VAC14: variants seen among roughly 807,000 people sequenced by gnomAD.
VAC14 encodes the protein VAC14 component of PIKFYVE complex.
In VAC14, 47 loss-of-function variants were observed where a neutral mutation model predicts 85.3. The ratio of observed to expected loss-of-function variants is 0.55; its 90% CI spans 0.44 to 0.70. The LOEUF is 0.70. Among genes scored for constraint, VAC14 ranks in the 30% least tolerant of loss-of-function variants. The pLI is 0.00. For synonymous variants in VAC14, 447 were observed against 430.5 expected (o/e 1.04, Z -0.47); for missense variants, 861 against 1,004.3 (o/e 0.86, Z 1.93).
intron 13 of VAC14, among the ~76,000 whole-genome samples, chr16:70,734,159 AAC>A (rs2054678990): frequency 6.6e-6 from 1 of 151,824 alleles, no homozygotes; most frequent in South Asian, 2.1e-4. Context: ...CAGCCTAATA[AAC>A]AGTGTCTTGC....
At chr16:70,733,310 T>C (rs1378966695) in intron 13 of VAC14, among the ~76,000 whole-genome samples, 8 of 152,244 alleles carry the variant, frequency 5.3e-5, no homozygotes. Context: ...TGTACTCATT[T>C]TTAGGGTTGA....
At chr16:70,744,769 T>C in intron 12 of VAC14, 190 bp from the exon 13 acceptor site, 1 of 599,074 alleles carries the variant, frequency 1.7e-6, no homozygotes, top group Non-Finnish European at 2.7e-6. Flanking sequence ...GTATCCAGAA[T>C]GAAGGGAACA....
chr16:70,751,084 G>A (rs1272140995), intron 12 of VAC14, among the ~76,000 whole-genome samples: 1 of 152,232 alleles, frequency 6.6e-6, no homozygotes, highest in Non-Finnish European at 1.5e-5. Context: ...CTCCTGCCAA[G>A]GAGGATGGAC....
At chr16:70,745,107 C>G (rs529801266) in intron 12 of VAC14, 3 of 153,192 alleles carry the variant, frequency 2.0e-5, no homozygotes, top group Non-Finnish European at 4.4e-5. Flanking sequence ...ATTTGGCGTG[C>G]TACTCTGGTC....
intron 17 of VAC14, among the ~76,000 whole-genome samples, chr16:70,695,333 G>C (rs60287657): frequency 1.3e-5 from 2 of 151,894 alleles, no homozygotes; most frequent in African/African-American, 2.4e-5. Context: ...GGCTGGTCTC[G>C]AACTCCTGCC....
chr16:70,787,780 T>C (rs1289443875), intron 1 of VAC14, among the ~76,000 whole-genome samples: 1 of 152,008 alleles, frequency 6.6e-6, no homozygotes, highest in Non-Finnish European at 1.5e-5. Flanking sequence ...TAGCCAACCT[T>C]GTCTGGGGCC....
chr16:70,742,362 T>C (rs2030409519), intron 13 of VAC14, among the ~76,000 whole-genome samples: 1 of 150,132 alleles, frequency 6.7e-6, no homozygotes, highest in African/African-American at 2.4e-5. Context: ...GGAAGAGATA[T>C]CCTTTTCTCT....
chr16:70,796,011 C>G (rs1175754421), intron 1 of VAC14, among the ~76,000 whole-genome samples: 2 of 152,334 alleles, frequency 1.3e-5, no homozygotes, highest in African/African-American at 4.8e-5. Context: ...AGCCTGGCAT[C>G]TTCCCACCCT....
In VAC14 at chr16:70,788,565, T is replaced by C. The variant is rs145627621; in HGVS notation, c.105-2200A>G. On this transcript the variant is annotated intron_variant, in intron 1 of 18. Transcript: ENST00000261776. ...AAGGCCTGGCAAGGATGGTTCTACA[T>C]CAACTTGTTTGGTCTCCCAAACTGG... Among the ~76,000 whole-genome samples, 823 of 152,258 alleles carry C rather than the reference T, an allele frequency of 5.4e-3. 3 individuals are homozygous for C. Among genetic ancestry groups the C allele is most frequent in the Non-Finnish European group, 9.8e-3 (669 of 68,010 alleles).
intron 14 of VAC14, among the ~76,000 whole-genome samples, chr16:70,703,938 C>T (rs1242734607): frequency 6.6e-6 from 1 of 152,228 alleles, no homozygotes; most frequent in African/African-American, 2.4e-5. Flanking sequence ...TCTGCATCCC[C>T]CTGCAGCCTT....
At chr16:70,711,371 T>C (rs1377320990) in intron 14 of VAC14, among the ~76,000 whole-genome samples, 1 of 152,164 alleles carries the variant, frequency 6.6e-6, no homozygotes, top group Non-Finnish European at 1.5e-5. Flanking sequence ...GGCTCGGCCT[T>C]GGAGCTCTAG....
intron 14 of VAC14, among the ~76,000 whole-genome samples, chr16:70,727,710 C>A (rs984826738): frequency 3.9e-5 from 6 of 152,220 alleles, no homozygotes; most frequent in Non-Finnish European, 8.8e-5. Context: ...CAGGTGGATA[C>A]CCCCCTCCAC....
At chr16:70,718,442 G>A (rs948037474) in intron 14 of VAC14, among the ~76,000 whole-genome samples, 8 of 151,992 alleles carry the variant, frequency 5.3e-5, no homozygotes, top group Admixed American at 4.6e-4. Context: ...TGTGGTCGTG[G>A]GCGCCTGTAG....
At chr16:70,790,699 GTC>G (rs2034295867) in intron 1 of VAC14, among the ~76,000 whole-genome samples, 1 of 152,088 alleles carries the variant, frequency 6.6e-6, no homozygotes, top group African/African-American at 2.4e-5. Flanking sequence ...AAGAGCAAAT[GTC>G]TTCTTGCTTG....
intron 12 of VAC14, among the ~76,000 whole-genome samples, chr16:70,757,682 G>A (rs1597951180): frequency 6.6e-6 from 1 of 152,180 alleles, no homozygotes; most frequent in Non-Finnish European, 1.5e-5. Context: ...GGGAGGACCC[G>A]GAGCAGATGC....
intron 13 of VAC14, among the ~76,000 whole-genome samples, chr16:70,739,144 C>T (rs891402233): frequency 1.3e-5 from 2 of 152,218 alleles, no homozygotes; most frequent in African/African-American, 4.8e-5. Flanking sequence ...CCCCAGGCAC[C>T]CCAGCACCTG....
rs117142987 is a variant in VAC14, at chr16:70,755,386, C to T, written c.1371+7154G>A. Reference sequence around the variant, plus strand: ...CAAGGACAAAACCCTATGGGGTCAGCGGAGGGCCTGGGCCTGGATAAGGCA... The same window carrying T: ...CAAGGACAAAACCCTATGGGGTCAGTGGAGGGCCTGGGCCTGGATAAGGCA... On this transcript the variant is annotated intron_variant, in intron 12 of 18. Transcript: ENST00000261776. The T allele has an allele frequency of 5.6e-4, 106 of 190,282 alleles. 2 individuals are homozygous for T. In the East Asian group the frequency reaches 0.016, roughly 29 times the overall value. The allele number at this position is 190,282 out of a possible 1,614,324, so 11.8% of individuals were successfully genotyped here. A position where few individuals can be genotyped will look rare whatever the true frequency, so the allele number is the denominator to read the frequency against.
chr16:70,786,520 A>G, intron 1 of VAC14, 155 bp from the exon 2 acceptor site: 1 of 949,284 alleles, frequency 1.1e-6, no homozygotes, highest in Non-Finnish European at 1.5e-6. Context: ...TTGCTGGCTG[A>G]GTCATCGTTG....
At chr16:70,772,007 C>T (rs2033256840) in intron 10 of VAC14, 102 bp downstream of exon 10, 11 of 1,052,828 alleles carry the variant, frequency 1.0e-5, no homozygotes, top group South Asian at 5.4e-5. Context: ...GCAGCAGCCG[C>T]GAGTAGAATT....
Sources: allele counts gnomAD v4.1 joint callset (sites outside exome capture counted in the v4.1 genomes callset), GRCh38; gene constraint gnomAD v4.1.1; transcripts MANE v1.5; gene names NCBI Gene and HGNC (gene_info 2026-07-23, HGNC 2026-07-21).